The following SPTLC3 variants were observed in gnomAD, a reference collection of about 807,000 sequenced individuals.
SPTLC3 encodes serine palmitoyltransferase 3.
In SPTLC3, 36 loss-of-function variants were observed where a neutral mutation model predicts 59.3. The observed-to-expected ratio is 0.61, with a 90% confidence interval of 0.47 to 0.80. The LOEUF (loss-of-function observed/expected upper bound fraction) is 0.80. Ranked by LOEUF, SPTLC3 falls within the 30% of genes least tolerant of loss-of-function variation. The probability of loss-of-function intolerance (pLI) is 0.00; values close to 1 mark genes in which losing one functional copy is unlikely to be tolerated. For synonymous variants in SPTLC3, 257 were observed against 240.8 expected, an observed-to-expected ratio of 1.07 and a Z score of -0.62; for missense variants, 625 against 685.1, an observed-to-expected ratio of 0.91 and a Z score of 0.98.
intron 9 of SPTLC3, among the ~76,000 whole-genome samples, chr20:13,135,962 T>C (rs1378275032): frequency 6.6e-6 from 1 of 152,170 alleles, no homozygotes; most frequent in Non-Finnish European, 1.5e-5. Context: ...ACCAGTAATG[T>C]CGGAAAGGGA....
At chr20:13,010,040 C>A (rs1392472107) in intron 1 of SPTLC3, among the ~76,000 whole-genome samples, 2 of 139,146 alleles carry the variant, frequency 1.4e-5, no homozygotes, top group Non-Finnish European at 3.1e-5. Context: ...CAACTTGACA[C>A]TTTTTTTTTT....
chr20:13,058,731 A>G (rs533287986), intron 2 of SPTLC3, among the ~76,000 whole-genome samples: 1 of 152,164 alleles, frequency 6.6e-6, no homozygotes, highest in Non-Finnish European at 1.5e-5. Flanking sequence ...TTCTGCTTCA[A>G]TGGTTTTGGG....
At chr20:13,051,605 G>A (rs1289962074) in intron 2 of SPTLC3, among the ~76,000 whole-genome samples, 1 of 152,122 alleles carries the variant, frequency 6.6e-6, no homozygotes, top group Non-Finnish European at 1.5e-5. Flanking sequence ...GATATATACA[G>A]AACATTTCAT....
intron 2 of SPTLC3, chr20:13,049,961 G>A (rs1008471292): frequency 2.0e-5 from 3 of 152,152 alleles, no homozygotes; most frequent in African/African-American, 7.2e-5. Context: ...ACAGTCTTCA[G>A]CCCTAGACTT....
rs374808387 is a variant in SPTLC3 at position 13,048,957 on chromosome 20, C to G, written c.130C>G (p.Pro44Ala). The G allele has an allele frequency of 4.0e-5, 62 of 1,553,624 alleles. No homozygotes were observed. In the Admixed American group the frequency reaches 4.0e-4, roughly 10 times the overall value. ...IVKEAQQNGK[P>A]HFYDKLIVES... ...TTTGTGTTTTCAGCAAAATGGGAAG[C>G]CACATTTTTATGATAAGCTCATTGT... The change falls in exon 2 of 12, where the codon CCA becomes GCA. Residue 44 changes from proline to alanine, a missense_variant. Transcript: ENST00000399002.
At chr20:13,138,077 T>C (rs111742039) in intron 9 of SPTLC3, among the ~76,000 whole-genome samples, 35 of 152,286 alleles carry the variant, frequency 2.3e-4, no homozygotes, top group African/African-American at 8.2e-4. Flanking sequence ...TTGTCCCCTT[T>C]CCTGTGAGTT....
At chr20:13,091,987 G>A (rs1408910830) in intron 5 of SPTLC3, among the ~76,000 whole-genome samples, 2 of 152,128 alleles carry the variant, frequency 1.3e-5, no homozygotes, top group African/African-American at 4.8e-5. Flanking sequence ...AGAGTCTAAT[G>A]GGGGAAACAA....
rs561558915 is a variant in SPTLC3 at position 13,064,284 on chromosome 20, G to GTTTTGT, written c.304-7932_304-7927dup. Among the ~76,000 whole-genome samples the GTTTTGT allele has an allele frequency of 3.5e-3, 460 of 132,480 alleles. 1 individual carries two copies. Among genetic ancestry groups the GTTTTGT allele is most frequent in the African/African-American group, 5.6e-3 (192 of 34,422 alleles). The allele number at this position is 132,480 out of a possible 152,430, so 86.9% of individuals were successfully genotyped here. A position where few individuals can be genotyped will look rare whatever the true frequency, so the allele number is the denominator to read the frequency against. On this transcript the variant is annotated intron_variant, in intron 2 of 11. Coordinates refer to ENST00000399002, the MANE Select transcript of SPTLC3 (RefSeq NM_018327.4). Reference sequence around the variant, plus strand: ...CTTTTTCCTTTTCTTTTTTTTTTTTGTTTTGTTTTTGTTTTTGTTTTTGTT... The same window carrying GTTTTGT: ...CTTTTTCCTTTTCTTTTTTTTTTTTGTTTTGTTTTTGTTTTTGTTTTTGTTTTTGTT...
intron 9 of SPTLC3, among the ~76,000 whole-genome samples, chr20:13,128,937 T>G (rs1251609705): frequency 2.0e-5 from 3 of 148,408 alleles, no homozygotes. Flanking sequence ...AGTACAATGG[T>G]GCGATCTCAG....
rs1179810826 is a variant in SPTLC3 at position 13,098,099 on chromosome 20, C to T, written c.826+4522C>T. On this transcript the variant is annotated intron_variant, in intron 6 of 11. Transcript: ENST00000399002. ...CGTCGTATAAAGAAAAAGAAGACTACGCAACAGAGACTGTATGTGGTCCAC... is the reference window on the plus strand; with the variant it reads ...CGTCGTATAAAGAAAAAGAAGACTATGCAACAGAGACTGTATGTGGTCCAC... Among the ~76,000 whole-genome samples the T allele has an allele frequency of 5.3e-5, 8 of 152,142 alleles. No homozygotes were observed. The South Asian group carries it at 1.2e-3, about 24-fold the overall frequency.
intron 5 of SPTLC3, among the ~76,000 whole-genome samples, chr20:13,092,896 G>A (rs968745549): frequency 6.6e-6 from 1 of 152,110 alleles, no homozygotes; most frequent in African/African-American, 2.4e-5. Flanking sequence ...TTTACAAAGG[G>A]TAATTTACAA....
At chr20:13,038,063 A>G (rs931518498) in intron 1 of SPTLC3, among the ~76,000 whole-genome samples, 6 of 130,328 alleles carry the variant, frequency 4.6e-5, no homozygotes, top group African/African-American at 1.3e-4. Flanking sequence ...TATATATAAT[A>G]TATCTTCATT....
rs571251868 is a variant in SPTLC3 at position 13,088,948 on chromosome 20, A to G, written c.608-2135A>G. Among the ~76,000 whole-genome samples, 263 of 152,198 alleles carry G rather than the reference A, an allele frequency of 1.7e-3. 4 individuals are homozygous for G. The highest frequency in any genetic ancestry group is 5.8e-3 in the African/African-American group (242 of 41,536). On this transcript the variant is annotated intron_variant, in intron 4 of 11. Coordinates refer to ENST00000399002, the MANE Select transcript of SPTLC3 (RefSeq NM_018327.4). ...CCCAGCCTAGAACACTTGTTTTACT[A>G]TGCCTTCTAATAACTTTGGGGATAA... is the stretch of plus-strand genomic sequence containing the variant.
chr20:13,046,901 A>G (rs563177999), intron 1 of SPTLC3, among the ~76,000 whole-genome samples: 2 of 152,272 alleles, frequency 1.3e-5, no homozygotes, highest in African/African-American at 4.8e-5. Context: ...TTTACTCAAG[A>G]CTGCCTATTA....
intron 7 of SPTLC3, among the ~76,000 whole-genome samples, chr20:13,116,281 T>C (rs1339321994): frequency 6.6e-6 from 1 of 152,216 alleles, no homozygotes; most frequent in African/African-American, 2.4e-5. Flanking sequence ...TTCAACTCTG[T>C]TTGATTCAAT....
intron 2 of SPTLC3, among the ~76,000 whole-genome samples, chr20:13,056,381 TTAACTGCAGTCACTATCTTTC>T (rs1416805697): frequency 6.6e-6 from 1 of 152,122 alleles, no homozygotes; most frequent in Non-Finnish European, 1.5e-5. Context: ...CAGGTTCTAA[TTAACTGCAGTCACTATCTTTC>T]TGATGGGACT....
At chr20:13,070,154 T>C (rs573772793) in intron 2 of SPTLC3, among the ~76,000 whole-genome samples, 3 of 152,304 alleles carry the variant, frequency 2.0e-5, no homozygotes, top group South Asian at 2.1e-4. Flanking sequence ...AAGAGTATAA[T>C]TGATTATCAG....
intron 4 of SPTLC3, among the ~76,000 whole-genome samples, chr20:13,088,309 G>T (rs74178022): frequency 0.09 from 13,694 of 151,962 alleles, 688 homozygotes; most frequent in Middle Eastern, 0.16. Context: ...CTTGTTTTTT[G>T]TTGTTGTTGT....
chr20:13,116,013 CA>C (rs1320920905), intron 7 of SPTLC3, among the ~76,000 whole-genome samples: 2 of 152,192 alleles, frequency 1.3e-5, no homozygotes, highest in African/African-American at 2.4e-5. Context: ...AATTAACTCA[CA>C]AACTTACATA....
Sources: allele counts gnomAD v4.1 joint callset (sites outside exome capture counted in the v4.1 genomes callset), GRCh38; gene constraint gnomAD v4.1.1; transcripts MANE v1.5; gene names NCBI Gene and HGNC (gene_info 2026-07-23, HGNC 2026-07-21).